Variants in PLD5 observed in about 807,000 individuals in gnomAD.
The protein encoded by PLD5 is phospholipase D family member 5.
PLD5 carries 36 observed loss-of-function variants against 61.1 expected under a neutral mutation model. The observed-to-expected ratio is 0.59, with a 90% confidence interval of 0.45 to 0.78. PLD5 has a LOEUF of 0.78. PLD5 is among the 30% of genes least tolerant of loss of function. The pLI is 0.00. For missense variants in PLD5, 515 were observed against 644.4 expected, an observed-to-expected ratio of 0.80 and a Z score of 2.17; for synonymous variants, 243 against 242.8, an observed-to-expected ratio of 1.00 and a Z score of -0.01.
chr1:242,506,043 T>C (rs1004171308), intron 1 of PLD5, among the ~76,000 whole-genome samples: 3 of 152,226 alleles, frequency 2.0e-5, no homozygotes, highest in Admixed American at 6.5e-5. Flanking sequence ...TTACCAGTCA[T>C]ATAAAAGTAC....
At chr1:242,258,618 C>T (rs911735005) in intron 4 of PLD5, among the ~76,000 whole-genome samples, 18 of 152,278 alleles carry the variant, frequency 1.2e-4, no homozygotes, top group Admixed American at 1.2e-3. Context: ...TGACAGAGCT[C>T]TTAAAGTTTC....
intron 2 of PLD5, among the ~76,000 whole-genome samples, chr1:242,335,552 C>G (rs1039444750): frequency 2.0e-5 from 3 of 152,164 alleles, no homozygotes; most frequent in African/African-American, 7.2e-5. Flanking sequence ...AATAGCATCA[C>G]TGAGAATTGC....
At chr1:242,329,756 G>A (rs1202141335) in intron 2 of PLD5, among the ~76,000 whole-genome samples, 2 of 152,136 alleles carry the variant, frequency 1.3e-5, no homozygotes, top group Non-Finnish European at 2.9e-5. Flanking sequence ...AGTTCTCTAG[G>A]TGATTGCAAT....
intron 5 of PLD5, among the ~76,000 whole-genome samples, chr1:242,166,263 C>A (rs1416023455): frequency 6.6e-6 from 1 of 152,214 alleles, no homozygotes; most frequent in Non-Finnish European, 1.5e-5. Context: ...GAGAGACCCT[C>A]CTGGTCACAG....
intron 4 of PLD5, among the ~76,000 whole-genome samples, chr1:242,237,428 A>G (rs2149050933): frequency 6.6e-6 from 1 of 152,224 alleles, no homozygotes; most frequent in Admixed American, 6.5e-5. Flanking sequence ...CTGCTTTGTG[A>G]TAAGGGAGGG....
chr1:242,505,581 G>C (rs1220967448), intron 1 of PLD5, among the ~76,000 whole-genome samples: 3 of 152,238 alleles, frequency 2.0e-5, no homozygotes, highest in Non-Finnish European at 4.4e-5. Context: ...GTATTCCACA[G>C]ACATCATGGC....
intron 1 of PLD5, among the ~76,000 whole-genome samples, chr1:242,394,888 A>ATATACATGAT (rs1663369788): frequency 6.7e-5 from 5 of 74,634 alleles, no homozygotes; most frequent in Admixed American, 1.9e-4. Context: ...GAATATATGT[A>ATATACATGAT]TATATATGAT....
rs552234988 is a variant in PLD5, at chr1:242,392,210, T to C, written c.190-43968A>G. Among the ~76,000 whole-genome samples, 8 of 152,106 alleles carry C rather than the reference T, an allele frequency of 5.3e-5. No individual in the cohort carries two copies. The South Asian group carries it at 1.5e-3, about 28-fold the overall frequency. ...CTACAGGTGGGAGCTAAGAACTGGGTACATATGGATATAAAGATGGCAACA... is the reference window on the plus strand; with the variant it reads ...CTACAGGTGGGAGCTAAGAACTGGGCACATATGGATATAAAGATGGCAACA... On this transcript the variant is annotated intron_variant, in intron 1 of 9. Coordinates refer to ENST00000536534, the MANE Select transcript of PLD5 (RefSeq NM_001372062.1).
At chr1:242,125,313 G>C (rs533731439) in intron 5 of PLD5, among the ~76,000 whole-genome samples, 11 of 152,112 alleles carry the variant, frequency 7.2e-5, no homozygotes, top group African/African-American at 2.2e-4. Flanking sequence ...CAAGCCTTAA[G>C]AGTAATAGAC....
chr1:242,227,411 C>CTGGGGTGCAGT (rs1367453815), intron 4 of PLD5, among the ~76,000 whole-genome samples: 1 of 152,110 alleles, frequency 6.6e-6, no homozygotes, highest in African/African-American at 2.4e-5. Context: ...GTCACCCAGG[C>CTGGGGTGCAGT]TGGGGTGCAG....
chr1:242,421,424 A>G lies in PLD5; in HGVS notation c.190-73182T>C, dbSNP rs150752991. ...AGGATACAGCCTTCTTAGGGTAGAA[A>G]GCACTGGAGCAGAGAAGGTCAATCT... On this transcript the variant is annotated intron_variant, in intron 1 of 9. Transcript: ENST00000536534. Among the ~76,000 whole-genome samples the G allele has an allele frequency of 8.2e-4, 125 of 152,300 alleles. 3 individuals are homozygous for G. The highest frequency in any genetic ancestry group is 2.8e-3 in the African/African-American group (116 of 41,568).
intron 1 of PLD5, among the ~76,000 whole-genome samples, chr1:242,511,204 G>A (rs759078353): frequency 6.6e-6 from 1 of 152,132 alleles, no homozygotes; most frequent in Admixed American, 6.5e-5. Context: ...CATCGAACTG[G>A]ATTTTACCCA....
rs748045479 is a variant in PLD5, at chr1:242,090,159, A to G, written c.1355-49T>C. 1.1e-4 allele frequency: 179 copies of G among 1,598,796 alleles called. No individual in the cohort carries two copies. In the South Asian group the frequency reaches 1.4e-3, roughly 13 times the overall value. ...GTTGAGGAGTTAGAGTCCACTGGGA[A>G]CATACCCAATATAATGAAATTCAGA... On this transcript the variant is annotated intron_variant, in intron 9 of 9. Coordinates refer to ENST00000536534, the MANE Select transcript of PLD5 (RefSeq NM_001372062.1).
At chr1:242,189,113 G>T (rs1668081342) in intron 5 of PLD5, among the ~76,000 whole-genome samples, 1 of 152,196 alleles carries the variant, frequency 6.6e-6, no homozygotes, top group South Asian at 2.1e-4. Context: ...ATAGTCTGTG[G>T]TAAGCAGGCA....
At chr1:242,526,463 G>A (rs1340555700), upstream of PLD5, among the ~76,000 whole-genome samples, 6 of 152,292 alleles carry the variant, frequency 3.9e-5, no homozygotes, top group South Asian at 8.3e-4. Flanking sequence ...TTGAGATGGA[G>A]TCTCGCTCTG....
chr1:242,432,930 A>G (rs58379134), intron 1 of PLD5, among the ~76,000 whole-genome samples: 8,891 of 152,278 alleles, frequency 0.058, 846 homozygotes, highest in African/African-American at 0.2. Context: ...AATCACCCTC[A>G]GAATCCTGCC....
chr1:242,110,808 T>TCACACA (rs111464015), intron 7 of PLD5, among the ~76,000 whole-genome samples: 9,800 of 150,112 alleles, frequency 0.065, 422 homozygotes, highest in South Asian at 0.17. Context: ...AAACTCTGTC[T>TCACACA]CACACACACA....
chr1:242,483,081 C>A (rs755257845), intron 1 of PLD5, among the ~76,000 whole-genome samples: 6 of 152,178 alleles, frequency 3.9e-5, no homozygotes, highest in Non-Finnish European at 5.9e-5. Flanking sequence ...AAAGGAACAG[C>A]CGGTACCAGC....
intron 4 of PLD5, among the ~76,000 whole-genome samples, chr1:242,259,307 C>CTCTCTCTCTCTCTCTCTCT (rs1553337783): frequency 2.7e-5 from 4 of 145,764 alleles, no homozygotes; most frequent in Admixed American, 1.4e-4. Flanking sequence ...AGACATCACC[C>CTCTCTCTCTCTCTCTCTCT]CTCTCTCTCT....
Sources: gnomAD v4.1 joint callset for allele counts (sites outside exome capture counted in the v4.1 genomes callset) on GRCh38, gnomAD v4.1.1 for gene constraint, MANE v1.5 for transcripts, NCBI Gene and HGNC (gene_info 2026-07-23, HGNC 2026-07-21) for gene names.